FBXO4: variants seen among roughly 807,000 people sequenced by gnomAD.
The protein encoded by FBXO4 is F-box only protein 4.
FBXO4 carries 36 observed loss-of-function variants against 43.7 expected under a neutral mutation model. The ratio of observed to expected loss-of-function variants is 0.82; its 90% CI spans 0.63 to 1.09. FBXO4 has a LOEUF of 1.09. Among genes scored for constraint, FBXO4 ranks in the 50% least tolerant of loss-of-function variants. The probability of loss-of-function intolerance (pLI) is 0.00; values close to 1 mark genes in which losing one functional copy is unlikely to be tolerated. For missense variants in FBXO4, 435 were observed against 474.1 expected (o/e 0.92, Z 0.77); for synonymous variants, 180 against 165.6 (o/e 1.09, Z -0.67).
At chr5:42,026,229 A>T in the FBXO4 span, among the ~76,000 whole-genome samples, 8 of 151,902 alleles carry the variant, frequency 5.3e-5, 1 homozygote, top group Admixed American at 5.3e-4. Flanking sequence ...AATGTTTTAT[A>T]GTTTGCCTTA....
the FBXO4 span, among the ~76,000 whole-genome samples, chr5:41,948,833 G>T: frequency 6.6e-6 from 1 of 151,994 alleles, no homozygotes; most frequent in Admixed American, 6.6e-5. Flanking sequence ...AAATCTCGCT[G>T]TTTCTGTATG....
the FBXO4 span, among the ~76,000 whole-genome samples, chr5:41,974,616 CT>C: frequency 1.3e-5 from 2 of 151,606 alleles, no homozygotes; most frequent in Admixed American, 6.6e-5. Context: ...TTGATCCATT[CT>C]TTTTTTTTCC....
the FBXO4 span, among the ~76,000 whole-genome samples, chr5:41,997,681 A>G: frequency 1.2e-4 from 18 of 152,238 alleles, no homozygotes; most frequent in South Asian, 1.5e-3. Flanking sequence ...GAGGACCACA[A>G]TGACTTTTAG....
intron 5 of FBXO4, 100 bp from the exon 6 acceptor site, chr5:41,939,341 T>C (rs1751935891): frequency 9.5e-7 from 1 of 1,050,120 alleles, no homozygotes. Context: ...GTTTGGATCC[T>C]GGTAAATTTT....
the FBXO4 span, among the ~76,000 whole-genome samples, chr5:41,958,298 C>G: frequency 6.6e-6 from 1 of 152,122 alleles, no homozygotes; most frequent in African/African-American, 2.4e-5. Flanking sequence ...CCACACCTGG[C>G]TAATTTTTTG....
the FBXO4 span, among the ~76,000 whole-genome samples, chr5:42,034,848 GCT>G: frequency 2.6e-5 from 4 of 152,196 alleles, no homozygotes; most frequent in African/African-American, 7.2e-5. Context: ...GTCTATACAG[GCT>G]CTTTTTTTTC....
In FBXO4 at chr5:41,925,324, G is replaced by T; in HGVS notation, c.15G>T (p.Glu5Asp). MAGS[E>D]PRSGTNSPPP... ...GCGGGCAAGCCATGGCGGGAAGCGA[G>T]CCGCGCAGCGGAACAAACTCGCCGC... Residue 5 changes from glutamate to aspartate, a missense_variant, in exon 1 of 7, where the codon GAG becomes GAT. Physicochemically the swap from Glu to Asp is conservative, Grantham distance 45. Coordinates refer to ENST00000281623, the MANE Select transcript of FBXO4 (RefSeq NM_012176.3). 1.5e-6 allele frequency: 2 copies of T among 1,344,424 alleles called. No homozygotes were observed. The highest frequency in any genetic ancestry group is 1.9e-6 in the Non-Finnish European group (2 of 1,042,578). The allele number at this position is 1,344,424 out of a possible 1,614,324, so 83.3% of individuals were successfully genotyped here. A position where few individuals can be genotyped will look rare whatever the true frequency, so the allele number is the denominator to read the frequency against.
chr5:41,993,622 T>C, the FBXO4 span, among the ~76,000 whole-genome samples: 1 of 148,998 alleles, frequency 6.7e-6, no homozygotes, highest in Non-Finnish European at 1.5e-5. Flanking sequence ...TAATAGGATA[T>C]ATATATATAT....
the FBXO4 span, among the ~76,000 whole-genome samples, chr5:41,979,987 A>G: frequency 6.6e-6 from 1 of 152,218 alleles, no homozygotes. Flanking sequence ...GAGATGCATC[A>G]ATCTATTTTG....
At chr5:41,962,203 G>T in the FBXO4 span, among the ~76,000 whole-genome samples, 1 of 152,174 alleles carries the variant, frequency 6.6e-6, no homozygotes, top group East Asian at 1.9e-4. Flanking sequence ...TTTTACCACA[G>T]GCTGCAAATA....
the FBXO4 span, among the ~76,000 whole-genome samples, chr5:41,987,173 C>T: frequency 6.6e-6 from 1 of 152,076 alleles, no homozygotes; most frequent in Non-Finnish European, 1.5e-5. Context: ...GGCAATTAGA[C>T]TTGGTTTTCT....
chr5:41,931,655 A>T (rs1486485305), intron 3 of FBXO4, among the ~76,000 whole-genome samples: 3 of 152,250 alleles, frequency 2.0e-5, no homozygotes, highest in Non-Finnish European at 2.9e-5. Flanking sequence ...GAATGACTTG[A>T]TGGATTACTG....
chr5:41,941,330 A>G lies in FBXO4; in HGVS notation c.*49A>G, dbSNP rs763048667. ...TGAAACCATTTGAAATTTATTACTAAGGTCGTGATGTGAATATTTGCTCAG... is the reference window on the plus strand; with the variant it reads ...TGAAACCATTTGAAATTTATTACTAGGGTCGTGATGTGAATATTTGCTCAG... On this transcript the variant is annotated 3_prime_UTR_variant, in exon 7 of 7. Coordinates refer to ENST00000281623, the MANE Select transcript of FBXO4 (RefSeq NM_012176.3). The G allele has an allele frequency of 6.5e-7, 1 of 1,528,518 alleles. No homozygotes were observed. Among genetic ancestry groups the G allele is most frequent in the East Asian group, 2.3e-5 (1 of 44,232 alleles). The allele number at this position is 1,528,518 out of a possible 1,614,324, so 94.7% of individuals were successfully genotyped here. A position where few individuals can be genotyped will look rare whatever the true frequency, so the allele number is the denominator to read the frequency against.
chr5:41,982,377 G>A, the FBXO4 span, among the ~76,000 whole-genome samples: 2 of 152,146 alleles, frequency 1.3e-5, no homozygotes, highest in South Asian at 2.1e-4. Context: ...CAGTGTAAAA[G>A]TGTTCCTATT....
the FBXO4 span, among the ~76,000 whole-genome samples, chr5:41,975,292 A>G: frequency 1.8e-4 from 27 of 152,298 alleles, no homozygotes; most frequent in African/African-American, 6.5e-4. Flanking sequence ...TTGTCTTTCT[A>G]TAGAGTTAAG....
the FBXO4 span, among the ~76,000 whole-genome samples, chr5:41,999,547 A>ATG: frequency 0.011 from 855 of 81,146 alleles, 23 homozygotes; most frequent in African/African-American, 0.045. Context: ...ATATATATGT[A>ATG]TATATATATA....
chr5:41,995,853 G>T, the FBXO4 span, among the ~76,000 whole-genome samples: 1 of 152,092 alleles, frequency 6.6e-6, no homozygotes, highest in Non-Finnish European at 1.5e-5. Flanking sequence ...TCGCACATTT[G>T]CCCATTTCTC....
chr5:42,020,979 G>A, the FBXO4 span, among the ~76,000 whole-genome samples: 2,437 of 152,212 alleles, frequency 0.016, 121 homozygotes, highest in East Asian at 0.1. Flanking sequence ...TAATGCAACT[G>A]GAGTATAGGG....
At chr5:41,951,251 AT>A in the FBXO4 span, 550 of 157,256 alleles carry the variant, frequency 3.5e-3, 1 homozygote, top group Admixed American at 7.3e-3. Flanking sequence ...GAAACTGATG[AT>A]TTTTTTTCAT....
Sources: gnomAD v4.1 joint callset for allele counts (sites outside exome capture counted in the v4.1 genomes callset) on GRCh38, gnomAD v4.1.1 for gene constraint, MANE v1.5 for transcripts, NCBI Gene and HGNC (gene_info 2026-07-23, HGNC 2026-07-21) for gene names.